ZNF217: variants seen among roughly 807,000 people sequenced by gnomAD.
ZNF217 encodes zinc finger protein 217.
A neutral mutation model predicts 73.3 loss-of-function variants in ZNF217; 12 were observed. The observed-to-expected ratio is 0.16, with a 90% CI of 0.10 to 0.27. The LOEUF (loss-of-function observed/expected upper bound fraction) is 0.27, where lower values mean the gene tolerates loss of function less well. ZNF217 is among the 10% of genes least tolerant of loss of function. The pLI is 1.00. For synonymous variants in ZNF217, 588 were observed against 516.4 expected, an observed-to-expected ratio of 1.14 and a Z score of -1.88; for missense variants, 1,195 against 1,327.8, an observed-to-expected ratio of 0.90 and a Z score of 1.55.
upstream of ZNF217, among the ~76,000 whole-genome samples, chr20:53,594,640 C>A (rs574824343): frequency 2.0e-5 from 3 of 151,942 alleles, no homozygotes; most frequent in East Asian, 5.8e-4. Flanking sequence ...CCGGGGAGGC[C>A]GGAGGGAGGG....
Position 53,576,303 on chromosome 20 carries a change from G to A in ZNF217, c.2461C>T (p.His821Tyr). ...ACCCCCACATTCTGCTGTGGTCTGT[G>A]GGACTTCAGGTTACTTGGGGCTAAA... ...STLAPSNLKS[H>Y]RPQQNVGVQG... The change falls in exon 4 of 6, where the codon CAC (histidine) becomes TAC (tyrosine). Residue 821 changes from histidine (H) to tyrosine (Y), a missense_variant. His to Tyr is a moderately conservative substitution (Grantham distance 83). Coordinates refer to ENST00000371471, the MANE Select transcript of ZNF217 (RefSeq NM_006526.3). 2.5e-6 allele frequency: 4 copies of A among 1,614,172 alleles called. No homozygotes were observed. The highest frequency in any genetic ancestry group is 3.4e-6 in the Non-Finnish European group (4 of 1,180,032).
Position 53,577,008 on chromosome 20 carries a change from C to G in ZNF217, c.1756G>C (p.Val586Leu), listed in dbSNP as rs950263711. 4.3e-6 allele frequency: 7 copies of G among 1,614,246 alleles called. No homozygotes were observed. Among genetic ancestry groups the G allele is most frequent in the Non-Finnish European group, 5.9e-6 (7 of 1,180,046 alleles). Residue 586 changes from valine to leucine, a missense_variant, in exon 4 of 6, where the codon GTT (valine) becomes CTT (leucine). Coordinates refer to ENST00000371471, the MANE Select transcript of ZNF217 (RefSeq NM_006526.3). Reference protein sequence around the residue: ...LKEMPSVFQNVLGSAVLSPAH... With the variant: ...LKEMPSVFQNLLGSAVLSPAH... The stretch of plus-strand genomic sequence containing the variant: ...GGTGAGAGGACAGCGCTGCCCAGAA[C>G]ATTCTGAAAAACAGAAGGCATCTCC...
At chr20:53,589,059 C>CT (rs962223187) in intron 1 of ZNF217, among the ~76,000 whole-genome samples, 3 of 152,168 alleles carry the variant, frequency 2.0e-5, no homozygotes, top group African/African-American at 7.2e-5. Flanking sequence ...CAAGAAATGT[C>CT]TAGAGTCTAC....
chr20:53,571,872 A>G lies in ZNF217; in HGVS notation c.3038-19T>C, dbSNP rs1266932179. On this transcript the variant is annotated intron_variant, in intron 4 of 5. Coordinates refer to ENST00000371471, the MANE Select transcript of ZNF217 (RefSeq NM_006526.3). ...CTTTTTCCTGATTGAAAAAAAAAAC[A>G]TATTTAGAGTTAAGGTCAAACAATT... 1.3e-6 allele frequency: 2 copies of G among 1,568,138 alleles called. No homozygotes were observed. Among genetic ancestry groups the G allele is most frequent in the African/African-American group, 1.4e-5 (1 of 72,472 alleles).
Position 53,581,208 on chromosome 20 carries a change from TA to T in ZNF217, c.1366+252del, listed in dbSNP as rs1472324444. ...TTTTGTGAGCAAAACGATACACGTT[TA>T]AAAAATATATATATATTTTCAGAAC... is the stretch of plus-strand genomic sequence containing the variant. On this transcript the variant is annotated intron_variant, in intron 2 of 5. Transcript: ENST00000371471. The surrounding 1 kb of genome is among the most constrained non-coding windows in gnomAD (Gnocchi z 4.9). Among the ~76,000 whole-genome samples the T allele has an allele frequency of 6.6e-6, 1 of 151,840 alleles. No individual in the cohort carries two copies. The highest frequency in any genetic ancestry group is 1.5e-5 in the Non-Finnish European group (1 of 67,852).
At chr20:53,583,350 C>T (rs1224831408) in intron 1 of ZNF217, among the ~76,000 whole-genome samples, 182 bp from the exon 2 acceptor site, 1 of 152,180 alleles carries the variant, frequency 6.6e-6, no homozygotes, top group African/African-American at 2.4e-5. Context: ...GCATTTTATC[C>T]AGTCAGTACA....
At chr20:53,574,301 C>A (rs1242945222) in intron 4 of ZNF217, 2 of 152,150 alleles carry the variant, frequency 1.3e-5, no homozygotes, top group East Asian at 3.9e-4. Flanking sequence ...CATTTAACAG[C>A]AAAACGGTTC....
At chr20:53,580,443 G>T (rs1325571698) in intron 2 of ZNF217, among the ~76,000 whole-genome samples, 1 of 152,176 alleles carries the variant, frequency 6.6e-6, no homozygotes, top group African/African-American at 2.4e-5. Context: ...CTGCCCATCA[G>T]GGTCTTTTCA....
At chr20:53,571,596 G>A in intron 5 of ZNF217, 125 bp downstream of exon 5, 3 of 1,213,224 alleles carry the variant, frequency 2.5e-6, no homozygotes, top group Non-Finnish European at 2.2e-6. Flanking sequence ...AGTACAGACA[G>A]GGGTTTCACC....
rs1478916321 is a variant in ZNF217, at chr20:53,577,101, TGGTTTGCGCACTGTCAGC to T, written c.1645_1662del (p.Ala549_Thr554del). ...CCATCAAAAAATCTTTTCAAATTTT[TGGTTTGCGCACTGTCAGC>T]GGTTAATAGTGCATCTTCAGTGTCC... is the stretch of plus-strand genomic sequence containing the variant. On this transcript the variant is annotated inframe_deletion, in exon 4 of 6. Transcript: ENST00000371471. 2 of 1,614,234 alleles carry T rather than the reference TGGTTTGCGCACTGTCAGC, an allele frequency of 1.2e-6. No homozygotes were observed. Among genetic ancestry groups the T allele is most frequent in the Admixed American group, 3.3e-5 (2 of 60,030 alleles).
In ZNF217 at chr20:53,581,361, T is replaced by C. The variant is rs1025336398; in HGVS notation, c.1366+100A>G. The C allele has an allele frequency of 2.7e-6, 4 of 1,486,980 alleles. No homozygotes were observed. Among genetic ancestry groups the C allele is most frequent in the Non-Finnish European group, 3.6e-6 (4 of 1,120,042 alleles). The allele number at this position is 1,486,980 out of a possible 1,614,324, so 92.1% of individuals were successfully genotyped here. On this transcript the variant is annotated intron_variant, in intron 2 of 5. Transcript: ENST00000371471. This position sits in a 1 kb window ranked among gnomAD's most constrained non-coding sequence, Gnocchi z 4.9. ...CTTGACTCTGGCTCTCCAAACCCCATTCCTGGCCAGCGTTGTCTGGAGATG... is the reference window on the plus strand; with the variant it reads ...CTTGACTCTGGCTCTCCAAACCCCACTCCTGGCCAGCGTTGTCTGGAGATG...
intron 2 of ZNF217, among the ~76,000 whole-genome samples, chr20:53,579,810 G>C (rs1181033187): frequency 6.6e-6 from 1 of 152,240 alleles, no homozygotes; most frequent in Non-Finnish European, 1.5e-5. Flanking sequence ...TTTGCAAACA[G>C]GGAAATAGTA....
intron 2 of ZNF217, among the ~76,000 whole-genome samples, chr20:53,580,300 G>C (rs1055922002): frequency 3.3e-5 from 5 of 152,196 alleles, no homozygotes; most frequent in African/African-American, 1.2e-4. Context: ...CATACACCCA[G>C]TTTTCCGAAG....
chr20:53,596,242 A>C (rs959918285), upstream of ZNF217, among the ~76,000 whole-genome samples: 17 of 148,508 alleles, frequency 1.1e-4, no homozygotes, highest in Non-Finnish European at 2.1e-4. Flanking sequence ...GCCTCTCTCA[A>C]AAAAAAAAAA....
At chr20:53,571,502 T>C (rs1988001527) in intron 5 of ZNF217, among the ~76,000 whole-genome samples, 1 of 148,062 alleles carries the variant, frequency 6.8e-6, no homozygotes, top group African/African-American at 2.5e-5. Context: ...CCTGGGTTGT[T>C]CAAGTGATTT....
chr20:53,581,314 G>T lies in ZNF217; in HGVS notation c.1366+147C>A. 1 of 1,123,980 alleles carries T rather than the reference G, an allele frequency of 8.9e-7. No individual in the cohort carries two copies. The highest frequency in any genetic ancestry group is 1.2e-6 in the Non-Finnish European group (1 of 810,620). The allele number at this position is 1,123,980 out of a possible 1,614,324, so 69.6% of individuals were successfully genotyped here. A position where few individuals can be genotyped will look rare whatever the true frequency, so the allele number is the denominator to read the frequency against. On this transcript the variant is annotated intron_variant, in intron 2 of 5. Coordinates refer to ENST00000371471, the MANE Select transcript of ZNF217 (RefSeq NM_006526.3). This position sits in a 1 kb window ranked among gnomAD's most constrained non-coding sequence, Gnocchi z 4.9. ...TGAGAGGTTAAATGACTTACACAGA[G>T]TGATACCAAAAAGAGCCTGGACTTG... is the stretch of plus-strand genomic sequence containing the variant.
At position 53,581,988 on chromosome 20, in the gene ZNF217, C is replaced by A. The variant is rs765812399; in HGVS notation, c.839G>T (p.Gly280Val). 6.2e-7 allele frequency: 1 copy of A among 1,614,198 alleles called. No individual in the cohort carries two copies. The highest frequency in any genetic ancestry group is 8.5e-7 in the Non-Finnish European group (1 of 1,180,034). The stretch of plus-strand genomic sequence containing the variant: ...AGGGATGCATCTGACAGGCTTCTTC[C>A]CCGTTTCAGGGTGAGATTTTGGTCT... ...NLRPKSHPET[G>V]KKPVRCIPQL... The change falls in exon 2 of 6, where the codon GGG becomes GTG. Residue 280 changes from glycine to valine, a missense_variant. This residue lies in a region of ZNF217 where 126 missense variants were observed against 114.4 expected (regional missense o/e 1.10). Coordinates refer to ENST00000371471, the MANE Select transcript of ZNF217 (RefSeq NM_006526.3). This position sits in a 1 kb window ranked among gnomAD's most constrained non-coding sequence, Gnocchi z 4.9.
Position 53,578,357 on chromosome 20 carries a change from T to C in ZNF217, c.1460A>G (p.Asn487Ser), listed in dbSNP as rs757386385. ...ACCTGTATGCGTTCTGAGATGAATA[T>C]TGAGGTAATAATTTGAACGGAAAAA... ...GKFFRSNYYL[N>S]IHLRTHTGEK... The change falls in exon 3 of 6, where the codon AAT becomes AGT. Residue 487 changes from asparagine to serine, a missense_variant. This residue lies in a region of ZNF217 where 116 missense variants were observed against 121.9 expected (regional missense o/e 0.95). Coordinates refer to ENST00000371471, the MANE Select transcript of ZNF217 (RefSeq NM_006526.3). 7.5e-6 allele frequency: 12 copies of C among 1,595,926 alleles called. No individual in the cohort carries two copies. The highest frequency in any genetic ancestry group is 3.5e-5 in the South Asian group (3 of 86,242).
chr20:53,594,915 AT>A (rs923196443), upstream of ZNF217, among the ~76,000 whole-genome samples: 152 of 148,190 alleles, frequency 1.0e-3, 1 homozygote, highest in African/African-American at 2.9e-3. Flanking sequence ...AATTGTTGTG[AT>A]TTTTTTTTTT....
Sources: allele counts gnomAD v4.1 joint callset (sites outside exome capture counted in the v4.1 genomes callset), GRCh38; gene constraint gnomAD v4.1.1; regional missense constraint gnomAD v4.1.1; non-coding constraint Gnocchi (gnomAD v3.1); transcripts MANE v1.5; gene names NCBI Gene and HGNC (gene_info 2026-07-23, HGNC 2026-07-21).